Variants in KIT observed in about 807,000 individuals in gnomAD.
KIT encodes mast/stem cell growth factor receptor Kit.
In KIT, 16 loss-of-function variants were observed where a neutral mutation model predicts 105.7. That is an observed-to-expected ratio of 0.15 (90% confidence interval 0.10 to 0.23). The LOEUF (loss-of-function observed/expected upper bound fraction) is 0.23, where lower values mean the gene tolerates loss of function less well. Among genes scored for constraint, KIT ranks in the 10% least tolerant of loss-of-function variants. The pLI is 1.00. For synonymous variants in KIT, 438 were observed against 441.1 expected (o/e 0.99, Z 0.09); for missense variants, 858 against 1,213.8 (o/e 0.71, Z 4.36).
intron 1 of KIT, among the ~76,000 whole-genome samples, chr4:54,674,940 A>G (rs1577923307): frequency 6.6e-6 from 1 of 152,242 alleles, no homozygotes; most frequent in African/African-American, 2.4e-5. Context: ...GTATTAAATC[A>G]CATTTATACT....
chr4:54,729,957 C>T (rs1412437993), intron 14 of KIT, among the ~76,000 whole-genome samples: 1 of 152,138 alleles, frequency 6.6e-6, no homozygotes, highest in Non-Finnish European at 1.5e-5. Flanking sequence ...TGCCATCGAC[C>T]TCTGGATTAT....
At chr4:54,715,105 T>G (rs1445457809) in intron 7 of KIT, among the ~76,000 whole-genome samples, 1 of 152,188 alleles carries the variant, frequency 6.6e-6, no homozygotes, top group African/African-American at 2.4e-5. Context: ...TAGCAATTAT[T>G]TATAGGTCAT....
chr4:54,713,508 G>C (rs927034043), intron 7 of KIT, among the ~76,000 whole-genome samples: 1 of 152,064 alleles, frequency 6.6e-6, no homozygotes, highest in Admixed American at 6.6e-5. Flanking sequence ...AGGACAAAAG[G>C]GATTGTGTTC....
chr4:54,698,333 C>G lies in KIT; in HGVS notation c.387C>G (p.Asp129Glu), dbSNP rs763100661. The G allele has an allele frequency of 6.2e-7, 1 of 1,614,080 alleles. No individual in the cohort carries two copies. The highest frequency in any genetic ancestry group is 8.5e-7 in the Non-Finnish European group (1 of 1,179,994). The change falls in exon 3 of 21, where the codon GAC (aspartate) becomes GAG (glutamate). Residue 129 changes from aspartate to glutamate, a missense_variant. Transcript: ENST00000288135. The part of the protein sequence containing the change: ...LVDRSLYGKE[D>E]NDTLVRCPLT... ...ACCGCTCCTTGTATGGGAAAGAAGA[C>G]AACGACACGCTGGTCCGCTGTCCTC... is the stretch of plus-strand genomic sequence containing the variant.
chr4:54,658,197 T>A (rs747255147), intron 1 of KIT, 116 bp downstream of exon 1: 36 of 1,034,038 alleles, frequency 3.5e-5, no homozygotes, highest in Non-Finnish European at 5.3e-5. Context: ...TCAGTGCCCG[T>A]GCGTTCCAGC....
chr4:54,687,959 C>G (rs879799789), intron 1 of KIT, among the ~76,000 whole-genome samples: 1 of 152,088 alleles, frequency 6.6e-6, no homozygotes, highest in African/African-American at 2.4e-5. Context: ...ACAGTACATG[C>G]GTGATGAAAG....
At position 54,730,875 on chromosome 4, in the gene KIT, A is replaced by AT. The variant is rs888062702; in HGVS notation, c.2142-444dup. The stretch of plus-strand genomic sequence containing the variant: ...ATTGGTGTTTATCTGAACCAACTTG[A>AT]TTTTTTTTTAAACCTTCCTCCATCA... On this transcript the variant is annotated intron_variant, in intron 14 of 20. Transcript: ENST00000288135. Among the ~76,000 whole-genome samples the AT allele has an allele frequency of 1.4e-4, 21 of 151,814 alleles. No homozygotes were observed. The East Asian group carries it at 2.5e-3, about 18-fold the overall frequency.
chr4:54,695,555 A>G lies in KIT; in HGVS notation c.111A>G (p.Pro37=). 1 of 1,613,892 alleles carries G rather than the reference A, an allele frequency of 6.2e-7. No individual in the cohort carries two copies. The highest frequency in any genetic ancestry group is 8.5e-7 in the Non-Finnish European group (1 of 1,179,736). ...TGAGTCCAGGGGAACCGTCTCCACCATCCATCCATCCAGGAAAATCAGACT... is the reference window on the plus strand; with the variant it reads ...TGAGTCCAGGGGAACCGTCTCCACCGTCCATCCATCCAGGAAAATCAGACT... ...PSVSPGEPSP[P]SIHPGKSDLI... The change falls in exon 2 of 21, where the codon CCA becomes CCG. Residue 37 remains proline, a synonymous_variant. Coordinates refer to ENST00000288135, the MANE Select transcript of KIT (RefSeq NM_000222.3).
chr4:54,669,022 G>C (rs1209263292), intron 1 of KIT, among the ~76,000 whole-genome samples: 2 of 152,010 alleles, frequency 1.3e-5, no homozygotes, highest in Non-Finnish European at 2.9e-5. Context: ...CTGGTTTTTA[G>C]AATTTTTTGT....
At chr4:54,701,194 AGGAGCTCTTT>A (rs1430736095) in intron 4 of KIT, among the ~76,000 whole-genome samples, 1 of 152,226 alleles carries the variant, frequency 6.6e-6, no homozygotes, top group African/African-American at 2.4e-5. Flanking sequence ...CTTCAGTGTT[AGGAGCTCTTT>A]GGGGAAATCC....
At position 54,738,430 on chromosome 4, in the gene KIT, T is replaced by A; in HGVS notation, c.2804T>A (p.Ile935Asn). ...TGACTATGGGCTTGTTTTCTCCAGA[T>A]TTACTCCAACTTAGCAAACTGCAGC... ...EKQISESTNH[I>N]YSNLANCSPN... is the part of the protein sequence containing the mutation. Residue 935 changes from isoleucine to asparagine, a missense_variant and splice_region_variant, in exon 21 of 21, where the codon ATT becomes AAT. Physicochemically the swap from Ile to Asn is moderately radical, Grantham distance 149. Around this residue, in one of 7 missense-constraint regions of KIT, gnomAD observed 105 missense variants for 103.5 expected, o/e 1.01. Coordinates refer to ENST00000288135, the MANE Select transcript of KIT (RefSeq NM_000222.3). 6.2e-7 allele frequency: 1 copy of A among 1,614,076 alleles called. No individual in the cohort carries two copies. The highest frequency in any genetic ancestry group is 1.3e-5 in the African/African-American group (1 of 75,032).
intron 1 of KIT, among the ~76,000 whole-genome samples, chr4:54,666,283 TG>T (rs1201171825): frequency 2.0e-5 from 3 of 152,042 alleles, no homozygotes; most frequent in African/African-American, 7.2e-5. Flanking sequence ...TTGTTTTTTT[TG>T]TTTTGTTTTG....
rs541448557 is a variant in KIT at position 54,715,489 on chromosome 4, C to T, written c.1231+5950C>T. 3.3e-5 allele frequency among the ~76,000 whole-genome samples: 5 copies of T among 152,088 alleles called. No individual in the cohort carries two copies. The South Asian group carries it at 1.0e-3, about 32-fold the overall frequency. ...TCTGGTGAGGGCTTCAGGAAGCTTC[C>T]ACTCATGGTGGAAGCGGAAGGGGAA... On this transcript the variant is annotated intron_variant, in intron 7 of 20. Transcript: ENST00000288135.
intron 14 of KIT, among the ~76,000 whole-genome samples, 161 bp downstream of exon 14, chr4:54,729,646 T>A (rs1359215134): frequency 6.6e-6 from 1 of 152,188 alleles, no homozygotes; most frequent in Admixed American, 6.6e-5. Flanking sequence ...TTTAGAAAGT[T>A]AAATTGTGTT....
chr4:54,703,423 A>G (rs2109691594), intron 4 of KIT, among the ~76,000 whole-genome samples: 1 of 152,324 alleles, frequency 6.6e-6, no homozygotes, highest in South Asian at 2.1e-4. Flanking sequence ...TATTTCAGAG[A>G]TAGCAACTTT....
In KIT at chr4:54,727,811, T is replaced by G. The variant is rs1215640581; in HGVS notation, c.1775-12T>G. 3.7e-6 allele frequency: 6 copies of G among 1,608,310 alleles called. No individual in the cohort carries two copies. Among genetic ancestry groups the G allele is most frequent in the Non-Finnish European group, 4.3e-6 (5 of 1,176,348 alleles). The stretch of plus-strand genomic sequence containing the variant: ...ACCATCACCACTTACCTTGTTGTCT[T>G]CCTTCCTACAGGGAAAACCCTGGGT... On this transcript the variant is annotated splice_polypyrimidine_tract_variant and intron_variant, in intron 11 of 20. Coordinates refer to ENST00000288135, the MANE Select transcript of KIT (RefSeq NM_000222.3).
chr4:54,692,755 A>G (rs1719796590), intron 1 of KIT, among the ~76,000 whole-genome samples: 1 of 152,186 alleles, frequency 6.6e-6, no homozygotes. Context: ...CCACATTTAG[A>G]TGCTGCACCT....
intron 1 of KIT, among the ~76,000 whole-genome samples, chr4:54,682,090 C>CT (rs375084454): frequency 0.011 from 1,413 of 128,956 alleles, 28 homozygotes; most frequent in African/African-American, 0.029. Flanking sequence ...ACTGAATTTT[C>CT]TTTTTTTTTT....
At chr4:54,718,315 G>A (rs1307587132) in intron 7 of KIT, among the ~76,000 whole-genome samples, 1 of 152,180 alleles carries the variant, frequency 6.6e-6, no homozygotes, top group Non-Finnish European at 1.5e-5. Flanking sequence ...TGGCCAGGCT[G>A]GTCTTTCTCC....
Sources: gnomAD v4.1 joint callset for allele counts (sites outside exome capture counted in the v4.1 genomes callset) on GRCh38, gnomAD v4.1.1 for gene constraint, gnomAD v4.1.1 regional missense constraint, MANE v1.5 for transcripts, NCBI Gene and HGNC (gene_info 2026-07-23, HGNC 2026-07-21) for gene names.